The following CNKSR2 variants were observed in gnomAD, a reference collection of about 807,000 sequenced individuals.
CNKSR2 encodes the protein CNK homolog protein 2.
Under a neutral mutation model 84.4 loss-of-function variants are expected in CNKSR2, and 14 were observed. The observed-to-expected ratio is 0.17, with a 90% CI of 0.11 to 0.26. CNKSR2 has a LOEUF of 0.26. Ranked by LOEUF, CNKSR2 falls within the 10% of genes least tolerant of loss-of-function variation. CNKSR2 has a pLI of 1.00. For missense variants in CNKSR2, 485 were observed against 771.2 expected, an observed-to-expected ratio of 0.63 and a Z score of 4.40; for synonymous variants, 275 against 277.9, an observed-to-expected ratio of 0.99 and a Z score of 0.10.
At chrX:21,403,371 A>T (rs1407979487) in intron 1 of CNKSR2, among the ~76,000 whole-genome samples, 1 of 111,701 alleles carries the variant, frequency 9.0e-6, no homozygotes, top group Admixed American at 9.5e-5. Context: ...AATTACCATG[A>T]TTTGTTTATA....
intron 4 of CNKSR2, among the ~76,000 whole-genome samples, chrX:21,466,690 T>C (rs2091132132): frequency 9.0e-6 from 1 of 111,125 alleles, no homozygotes. Flanking sequence ...ATTCAAGCGA[T>C]TCTCCTACCT....
intron 9 of CNKSR2, among the ~76,000 whole-genome samples, chrX:21,522,149 A>G (rs772389249): frequency 3.2e-4 from 36 of 111,046 alleles, no homozygotes; most frequent in Non-Finnish European, 6.7e-4. Flanking sequence ...TTCTTGTACT[A>G]GTGTTGGGAA....
intron 1 of CNKSR2, among the ~76,000 whole-genome samples, chrX:21,380,346 G>A (rs1222137857): frequency 9.0e-6 from 1 of 110,658 alleles, no homozygotes; most frequent in African/African-American, 3.3e-5. Context: ...ATGAAGAATG[G>A]AAATAGACTT....
At chrX:21,574,245 C>T (rs1352900685) in intron 13 of CNKSR2, among the ~76,000 whole-genome samples, 1 of 112,027 alleles carries the variant, frequency 8.9e-6, no homozygotes, top group Non-Finnish European at 1.9e-5. Context: ...TTCCTGTCTT[C>T]TTCCGAGTCT....
Position 21,561,631 on chromosome X carries a change from A to C in CNKSR2, c.1393+71A>C. 23 of 766,410 alleles carry C rather than the reference A, an allele frequency of 3.0e-5. No homozygotes were observed. The South Asian group carries it at 5.6e-4, about 19-fold the overall frequency. The allele number at this position is 766,410 out of a possible 1,213,427, so 63.2% of individuals were successfully genotyped here. On this transcript the variant is annotated intron_variant, in intron 12 of 21. Coordinates refer to ENST00000379510, the MANE Select transcript of CNKSR2 (RefSeq NM_014927.5). ...AAGCAAATTTAAATGTTCTGTAAAT[A>C]GATTGTTATGGCTTCAGTGGAAAAC...
Position 21,652,977 on chromosome X carries a change from C to A in CNKSR2, c.*456C>A, listed in dbSNP as rs2147350312. On this transcript the variant is annotated 3_prime_UTR_variant, in exon 22 of 22. Transcript: ENST00000379510. ...TTTATTAAAATGTTCTAAGAATTTT[C>A]TTAAACATTGCACAAAGTTTAATGC... 8.8e-6 allele frequency: 1 copy of A among 113,511 alleles called. No homozygotes were observed. Among genetic ancestry groups the A allele is most frequent in the South Asian group, 3.7e-4 (1 of 2,736 alleles). The allele number at this position is 113,511 out of a possible 1,213,427, so 9.4% of individuals were successfully genotyped here. A position where few individuals can be genotyped will look rare whatever the true frequency, so the allele number is the denominator to read the frequency against.
intron 5 of CNKSR2, among the ~76,000 whole-genome samples, chrX:21,486,056 C>T (rs906840532): frequency 5.2e-4 from 58 of 111,536 alleles, no homozygotes; most frequent in African/African-American, 1.9e-3. Context: ...TGCTTGAACC[C>T]GGGAGGCGGA....
chrX:21,423,172 G>C lies in CNKSR2; in HGVS notation c.65-3325G>C, dbSNP rs971578102. Reference sequence around the variant, plus strand: ...AACATTTTTGGTATAATGACTTTTGGTATGGTACAAACAAACAGTCTAGAG... The same window carrying C: ...AACATTTTTGGTATAATGACTTTTGCTATGGTACAAACAAACAGTCTAGAG... On this transcript the variant is annotated intron_variant, in intron 1 of 21. Transcript: ENST00000379510. 4 of 111,075 alleles carry C rather than the reference G, an allele frequency of 3.6e-5. No individual in the cohort carries two copies. The Admixed American group carries it at 3.9e-4, about 11-fold the overall frequency. The allele number at this position is 111,075 out of a possible 1,213,427, so 9.2% of individuals were successfully genotyped here.
chrX:21,437,916 A>AT (rs914075646), intron 3 of CNKSR2, among the ~76,000 whole-genome samples: 5 of 111,102 alleles, frequency 4.5e-5, no homozygotes, highest in African/African-American at 1.6e-4. Context: ...AAAGAGGTTA[A>AT]TTTTTTTTAA....
chrX:21,508,056 T>A (rs1232440101), intron 8 of CNKSR2, among the ~76,000 whole-genome samples: 8 of 112,489 alleles, frequency 7.1e-5, no homozygotes, highest in Non-Finnish European at 1.3e-4. Context: ...CTGAGGGCGG[T>A]GGCTCATGCC....
intron 11 of CNKSR2, 75 bp from the exon 12 acceptor site, chrX:21,561,396 C>A: frequency 1.3e-6 from 1 of 785,701 alleles, no homozygotes; most frequent in Non-Finnish European, 1.9e-6. Flanking sequence ...TAGACTTTAG[C>A]TAAAAATCAG....
chrX:21,399,634 AG>A (rs975105709), intron 1 of CNKSR2, among the ~76,000 whole-genome samples: 3 of 111,642 alleles, frequency 2.7e-5, no homozygotes, highest in Non-Finnish European at 5.7e-5. Flanking sequence ...TCTTTTCATT[AG>A]GGGATCAGAA....
At chrX:21,536,896 A>G (rs1212957037) in intron 11 of CNKSR2, among the ~76,000 whole-genome samples, 1 of 103,063 alleles carries the variant, frequency 9.7e-6, no homozygotes, top group Non-Finnish European at 2.0e-5. Context: ...TCTTCCACTA[A>G]TTTTGAGTTT....
chrX:21,427,073 T>C, intron 2 of CNKSR2: 1 of 131,361 alleles, frequency 7.6e-6, no homozygotes, highest in Non-Finnish European at 1.5e-5. Flanking sequence ...TAAACCTACT[T>C]AAAAGGATGG....
At chrX:21,391,085 TG>T (rs999493699) in intron 1 of CNKSR2, among the ~76,000 whole-genome samples, 5 of 112,902 alleles carry the variant, frequency 4.4e-5, no homozygotes, top group African/African-American at 1.6e-4. Flanking sequence ...TGGGCAGCTC[TG>T]GCCCTGTGTC....
chrX:21,485,157 T>A (rs1569198333), intron 5 of CNKSR2, among the ~76,000 whole-genome samples: 1 of 111,493 alleles, frequency 9.0e-6, no homozygotes, highest in Non-Finnish European at 1.9e-5. Flanking sequence ...CACTCCAGCC[T>A]GGGCAACAAA....
At chrX:21,573,419 A>G (rs1345894414) in intron 13 of CNKSR2, among the ~76,000 whole-genome samples, 1 of 112,249 alleles carries the variant, frequency 8.9e-6, no homozygotes. Flanking sequence ...CTGAACCCAC[A>G]TTTCCCTTCT....
chrX:21,435,831 C>T (rs1383343289), intron 3 of CNKSR2, among the ~76,000 whole-genome samples: 1 of 110,666 alleles, frequency 9.0e-6, no homozygotes, highest in South Asian at 3.8e-4. Context: ...AGTTTTTTTC[C>T]TTCATTTTTA....
intron 1 of CNKSR2, among the ~76,000 whole-genome samples, chrX:21,421,071 T>C (rs2090488777): frequency 9.0e-6 from 1 of 111,318 alleles, no homozygotes. Flanking sequence ...CTGCCAGGAT[T>C]GATGATTCCG....
Sources: allele counts gnomAD v4.1 joint callset (sites outside exome capture counted in the v4.1 genomes callset), GRCh38; gene constraint gnomAD v4.1.1; transcripts MANE v1.5; gene names NCBI Gene and HGNC (gene_info 2026-07-23, HGNC 2026-07-21).